Variants in CADM2 observed in about 807,000 individuals in gnomAD.
The protein encoded by CADM2 is immunoglobulin superfamily member 4D.
A neutral mutation model predicts 49.8 loss-of-function variants in CADM2; 12 were observed. The observed-to-expected ratio is 0.24, with a 90% confidence interval of 0.15 to 0.39. The LOEUF (loss-of-function observed/expected upper bound fraction) is 0.39, where lower values mean the gene tolerates loss of function less well. Ranked by LOEUF, CADM2 falls within the 10% of genes least tolerant of loss-of-function variation. The pLI is 1.00. For synonymous variants in CADM2, 214 were observed against 175.4 expected, an observed-to-expected ratio of 1.22 and a Z score of -1.74; for missense variants, 378 against 492.3, an observed-to-expected ratio of 0.77 and a Z score of 2.20.
At chr3:85,492,409 T>A (rs1195194184) in intron 1 of CADM2, among the ~76,000 whole-genome samples, 1 of 152,056 alleles carries the variant, frequency 6.6e-6, no homozygotes. Flanking sequence ...CTACCCAACA[T>A]GGTGAAACCC....
intron 8 of CADM2, among the ~76,000 whole-genome samples, chr3:86,001,855 G>T (rs1273870418): frequency 6.6e-6 from 1 of 152,074 alleles, no homozygotes; most frequent in African/African-American, 2.4e-5. Context: ...CTATGAATTT[G>T]GAAGTCATTG....
intron 2 of CADM2, among the ~76,000 whole-genome samples, chr3:85,787,324 G>A (rs755849030): frequency 6.6e-6 from 1 of 151,970 alleles, no homozygotes; most frequent in Non-Finnish European, 1.5e-5. Flanking sequence ...TCACGAAATT[G>A]TTACCTCTGT....
chr3:85,921,210 A>G (rs1002549111), intron 6 of CADM2, among the ~76,000 whole-genome samples: 2 of 152,008 alleles, frequency 1.3e-5, no homozygotes, highest in East Asian at 1.9e-4. Flanking sequence ...GTCTATTTTT[A>G]AAAGATAGCT....
At chr3:85,811,833 CAG>C (rs1360676159) in intron 3 of CADM2, among the ~76,000 whole-genome samples, 1 of 149,854 alleles carries the variant, frequency 6.7e-6, no homozygotes, top group African/African-American at 2.5e-5. Flanking sequence ...AAAGAGTGAC[CAG>C]TTTCCTGGAA....
intron 1 of CADM2, among the ~76,000 whole-genome samples, chr3:84,974,423 A>G (rs2031678329): frequency 6.6e-6 from 1 of 152,028 alleles, no homozygotes; most frequent in Admixed American, 6.6e-5. Flanking sequence ...AAGTAAATGC[A>G]GTCTTGCAGG....
At chr3:85,088,034 T>G (rs2037450240) in intron 1 of CADM2, among the ~76,000 whole-genome samples, 1 of 152,186 alleles carries the variant, frequency 6.6e-6, no homozygotes, top group African/African-American at 2.4e-5. Flanking sequence ...CAAGGATGAT[T>G]ATTTCATAAT....
chr3:85,369,476 T>C (rs1254957421), intron 1 of CADM2, among the ~76,000 whole-genome samples: 1 of 151,888 alleles, frequency 6.6e-6, no homozygotes, highest in Non-Finnish European at 1.5e-5. Flanking sequence ...CTACTGAAAA[T>C]ACAAAATTTC....
At position 85,935,870 on chromosome 3, in the gene CADM2, A is replaced by G; in HGVS notation, c.791+13A>G. The G allele has an allele frequency of 6.7e-7, 1 of 1,492,932 alleles. No individual in the cohort carries two copies. The highest frequency in any genetic ancestry group is 9.3e-7 in the Non-Finnish European group (1 of 1,077,872). 92.5% of individuals were successfully genotyped at this position (1,492,932 alleles called of 1,614,324 possible). A position where few individuals can be genotyped will look rare whatever the true frequency, so the allele number is the denominator to read the frequency against. On this transcript the variant is annotated intron_variant, in intron 7 of 9. Coordinates refer to ENST00000383699, the MANE Select transcript of CADM2 (RefSeq NM_001167675.2). The stretch of plus-strand genomic sequence containing the variant: ...AAGGAAAACCACTGTAAGTGAGTTA[A>G]TGAGCAATAAAGCTTTTAACTTTTT...
intron 1 of CADM2, among the ~76,000 whole-genome samples, chr3:84,972,257 G>A (rs2031502937): frequency 1.3e-5 from 2 of 152,210 alleles, no homozygotes; most frequent in African/African-American, 4.8e-5. Context: ...GCAAACTGCA[G>A]AGATGGCATT....
intron 1 of CADM2, among the ~76,000 whole-genome samples, chr3:84,990,911 T>C (rs1341841449): frequency 6.6e-6 from 1 of 152,146 alleles, no homozygotes; most frequent in Non-Finnish European, 1.5e-5. Context: ...ACAATTTTTT[T>C]CTTGTTTTAT....
intron 1 of CADM2, among the ~76,000 whole-genome samples, chr3:85,576,698 A>G (rs1449872483): frequency 1.3e-5 from 2 of 152,096 alleles, no homozygotes; most frequent in African/African-American, 4.8e-5. Context: ...CAGGGCCAGC[A>G]GTCGTATTTC....
At chr3:85,074,715 G>GCTCC (rs1001250379) in intron 1 of CADM2, among the ~76,000 whole-genome samples, 1 of 152,062 alleles carries the variant, frequency 6.6e-6, no homozygotes, top group African/African-American at 2.4e-5. Context: ...AAATCAGCCA[G>GCTCC]CTCCCTCACT....
intron 1 of CADM2, among the ~76,000 whole-genome samples, chr3:85,030,914 A>C (rs2034947041): frequency 6.6e-6 from 1 of 151,286 alleles, no homozygotes; most frequent in Admixed American, 6.6e-5. Context: ...AATTAGTTTA[A>C]CTTGAGTGGA....
At chr3:85,488,662 G>T (rs2039533428) in intron 1 of CADM2, among the ~76,000 whole-genome samples, 1 of 152,046 alleles carries the variant, frequency 6.6e-6, no homozygotes, top group Non-Finnish European at 1.5e-5. Context: ...CTCCCAAGTA[G>T]CTGGGATTAG....
chr3:85,373,134 G>A (rs910775576), intron 1 of CADM2, among the ~76,000 whole-genome samples: 1 of 152,108 alleles, frequency 6.6e-6, no homozygotes, highest in Non-Finnish European at 1.5e-5. Context: ...ACAGCCCAAA[G>A]TATCCTCTGT....
intron 1 of CADM2, among the ~76,000 whole-genome samples, chr3:85,397,472 A>G (rs1030174024): frequency 6.6e-6 from 1 of 152,188 alleles, no homozygotes; most frequent in Non-Finnish European, 1.5e-5. Flanking sequence ...AAAGATGGAA[A>G]TAACGAAAAT....
chr3:85,304,669 T>C (rs2107010508), intron 1 of CADM2, among the ~76,000 whole-genome samples: 1 of 151,958 alleles, frequency 6.6e-6, no homozygotes, highest in Non-Finnish European at 1.5e-5. Flanking sequence ...ACTTTGTTTT[T>C]TAAGACATAA....
chr3:85,232,277 T>G (rs2042311540), intron 1 of CADM2, among the ~76,000 whole-genome samples: 1 of 152,186 alleles, frequency 6.6e-6, no homozygotes, highest in Admixed American at 6.5e-5. Context: ...GGAAAGATCC[T>G]TGGGGACAAC....
intron 1 of CADM2, among the ~76,000 whole-genome samples, chr3:85,545,094 C>A (rs756748668): frequency 6.6e-6 from 1 of 152,072 alleles, no homozygotes; most frequent in Non-Finnish European, 1.5e-5. Context: ...TTAAAAGACA[C>A]AACGGAAGAA....
Sources: allele counts gnomAD v4.1 joint callset (sites outside exome capture counted in the v4.1 genomes callset), GRCh38; gene constraint gnomAD v4.1.1; transcripts MANE v1.5; gene names NCBI Gene and HGNC (gene_info 2026-07-23, HGNC 2026-07-21).